KLHL14: variants seen among roughly 807,000 people sequenced by gnomAD.
KLHL14 encodes kelch like family member 14.
A neutral mutation model predicts 64.3 loss-of-function variants in KLHL14; 22 were observed. The observed-to-expected ratio is 0.34, with a 90% CI of 0.24 to 0.49. The LOEUF is 0.49. Among genes scored for constraint, KLHL14 ranks in the 20% least tolerant of loss-of-function variants. The pLI, the probability that KLHL14 is intolerant of heterozygous loss-of-function variation, is 0.99. For synonymous variants in KLHL14, 322 were observed against 333.4 expected (o/e 0.97, Z 0.37); for missense variants, 661 against 789.0 (o/e 0.84, Z 1.94).
rs2050379953 is a variant in KLHL14 at position 32,770,812 on chromosome 18, C to T, written c.-43-178G>A. 2 of 508,152 alleles carry T rather than the reference C, an allele frequency of 3.9e-6. No homozygotes were observed. Among genetic ancestry groups the T allele is most frequent in the Non-Finnish European group, 6.9e-6 (2 of 289,348 alleles). The allele number at this position is 508,152 out of a possible 1,614,324, so 31.5% of individuals were successfully genotyped here. On this transcript the variant is annotated intron_variant, in intron 1 of 8. Transcript: ENST00000359358. The surrounding 1 kb of genome is among the most constrained non-coding windows in gnomAD (Gnocchi z 6.7). ...CGACCCTAGGAGGAAAGTCCGAAGA[C>T]GCTGGATCCGTGAGCGCCACCAGAA...
rs181989831 is a variant in KLHL14, at chr18:32,683,867, T to C, written c.1239-3268A>G. The stretch of plus-strand genomic sequence containing the variant: ...GTCGTTGGATTAAAAACAATGGATA[T>C]GTTAGAAAGAATATTGTCTCCCATT... On this transcript the variant is annotated intron_variant, in intron 5 of 8. Transcript: ENST00000359358. The surrounding 1 kb of genome is among the most constrained non-coding windows in gnomAD (Gnocchi z 4.2). Among the ~76,000 whole-genome samples, 14 of 152,324 alleles carry C rather than the reference T, an allele frequency of 9.2e-5. No homozygotes were observed. Among genetic ancestry groups the C allele is most frequent in the Non-Finnish European group, 1.9e-4 (13 of 68,030 alleles).
At chr18:32,732,561 G>C (rs1012400985) in intron 3 of KLHL14, among the ~76,000 whole-genome samples, 4 of 152,162 alleles carry the variant, frequency 2.6e-5, no homozygotes, top group African/African-American at 9.7e-5. Flanking sequence ...ATGTTATTCA[G>C]GGCAGAAATT....
chr18:32,687,269 T>C, intron 4 of KLHL14, 36 bp from the exon 5 acceptor site: 1 of 1,534,674 alleles, frequency 6.5e-7, no homozygotes, highest in Admixed American at 1.7e-5. Flanking sequence ...AAAACTTAGA[T>C]TCTTTTGTTG....
At chr18:32,676,143 GAAAT>G (rs528465585) in intron 8 of KLHL14, among the ~76,000 whole-genome samples, 1 of 152,048 alleles carries the variant, frequency 6.6e-6, no homozygotes, top group South Asian at 2.1e-4. Context: ...GTTAACGAAA[GAAAT>G]AAATAAAGGA....
At chr18:32,733,957 T>G in intron 3 of KLHL14, 1 of 568,592 alleles carries the variant, frequency 1.8e-6, no homozygotes, top group South Asian at 2.3e-5. Flanking sequence ...TTCTCTTTAG[T>G]TTATTCATTC....
chr18:32,678,996 A>C (rs749173151), intron 7 of KLHL14, among the ~76,000 whole-genome samples: 1 of 152,208 alleles, frequency 6.6e-6, no homozygotes, highest in African/African-American at 2.4e-5. Context: ...AATACAAAAC[A>C]TGTCGACGTA....
At chr18:32,689,245 A>C (rs1030107685) in intron 4 of KLHL14, among the ~76,000 whole-genome samples, 1 of 152,172 alleles carries the variant, frequency 6.6e-6, no homozygotes, top group African/African-American at 2.4e-5. Context: ...GTTATTATTT[A>C]AAAGCATAGG....
intron 3 of KLHL14, among the ~76,000 whole-genome samples, chr18:32,732,764 C>T (rs955519031): frequency 2.6e-5 from 4 of 152,116 alleles, no homozygotes; most frequent in Admixed American, 6.5e-5. Context: ...TTGTTGTCAC[C>T]GCCTAACCCG....
chr18:32,771,053 G>T, intron 1 of KLHL14: 1 of 309,790 alleles, frequency 3.2e-6, no homozygotes, highest in Non-Finnish European at 6.7e-6. Context: ...AGGCCGGGAA[G>T]TGGGGAGCCG....
At chr18:32,676,636 G>A (rs1162023397) in intron 8 of KLHL14, among the ~76,000 whole-genome samples, 1 of 152,052 alleles carries the variant, frequency 6.6e-6, no homozygotes, top group Non-Finnish European at 1.5e-5. Flanking sequence ...TTTAAAAGTG[G>A]GGATAGATGA....
At chr18:32,677,150 A>T in intron 8 of KLHL14, 23 bp downstream of exon 8, 2 of 1,601,376 alleles carry the variant, frequency 1.2e-6, no homozygotes, top group Non-Finnish European at 1.7e-6. Context: ...ATAAAGGAGG[A>T]TGCAGTAAAT....
chr18:32,687,614 T>G (rs902708053), intron 4 of KLHL14, among the ~76,000 whole-genome samples: 20 of 152,358 alleles, frequency 1.3e-4, no homozygotes, highest in African/African-American at 4.8e-4. Flanking sequence ...TTCCAAAGAC[T>G]ACCTTGTATG....
intron 4 of KLHL14, among the ~76,000 whole-genome samples, chr18:32,693,413 C>CACACACACACACAGAGAG (rs1229737083): frequency 1.4e-4 from 14 of 97,018 alleles, no homozygotes; most frequent in African/African-American, 6.3e-4. Flanking sequence ...CACACACACA[C>CACACACACACACAGAGAG]AGAGAGAGAG....
rs186060298 is a variant in KLHL14, at chr18:32,693,300, C to T, written c.1159+2163G>A. Among the ~76,000 whole-genome samples, 25 of 151,838 alleles carry T rather than the reference C, an allele frequency of 1.6e-4. 1 individual carries two copies. Among genetic ancestry groups the T allele is most frequent in the Admixed American group, 1.6e-3 (25 of 15,248 alleles). ...TTTGCCCAGATCTATACTAAATGAC[C>T]TCACGTGCCAAATGAGTCAGGGACA... On this transcript the variant is annotated intron_variant, in intron 4 of 8. Coordinates refer to ENST00000359358, the MANE Select transcript of KLHL14 (RefSeq NM_020805.3).
intron 2 of KLHL14, among the ~76,000 whole-genome samples, chr18:32,750,231 C>A (rs1212062683): frequency 6.6e-6 from 1 of 152,010 alleles, no homozygotes; most frequent in African/African-American, 2.4e-5. Context: ...TAGACCATAG[C>A]AAAATAGTTT....
intron 3 of KLHL14, among the ~76,000 whole-genome samples, chr18:32,735,404 G>A (rs2050160537): frequency 6.6e-6 from 1 of 152,102 alleles, no homozygotes; most frequent in South Asian, 2.1e-4. Flanking sequence ...TTGTGAGCCT[G>A]CCATTGAAGT....
intron 3 of KLHL14, chr18:32,738,703 A>G (rs2050179049): frequency 6.6e-6 from 1 of 152,088 alleles, no homozygotes; most frequent in African/African-American, 2.4e-5. Flanking sequence ...GGTGAGAATA[A>G]TTGTTTCCTT....
intron 2 of KLHL14, among the ~76,000 whole-genome samples, chr18:32,757,375 G>A (rs532685243): frequency 6.6e-6 from 1 of 152,140 alleles, no homozygotes; most frequent in Non-Finnish European, 1.5e-5. Context: ...TAGCTTTTCC[G>A]TGTCGGAATC....
chr18:32,758,656 C>A (rs952047799), intron 2 of KLHL14, among the ~76,000 whole-genome samples: 9 of 152,120 alleles, frequency 5.9e-5, no homozygotes, highest in Non-Finnish European at 1.0e-4. Context: ...ATGCTCAGGG[C>A]AGCATTATTC....
Sources: allele counts gnomAD v4.1 joint callset (sites outside exome capture counted in the v4.1 genomes callset), GRCh38; gene constraint gnomAD v4.1.1; non-coding constraint Gnocchi (gnomAD v3.1); transcripts MANE v1.5; gene names NCBI Gene and HGNC (gene_info 2026-07-23, HGNC 2026-07-21).